PCDHA1: variants seen among roughly 807,000 people sequenced by gnomAD.
PCDHA1 encodes the protein protocadherin alpha 1, also known as protocadherin alpha-1.
A neutral mutation model predicts 61.3 loss-of-function variants in PCDHA1; 42 were observed. That is an observed-to-expected ratio of 0.69 (90% confidence interval 0.54 to 0.89). PCDHA1 has a LOEUF of 0.89. Among genes scored for constraint, PCDHA1 ranks in the 40% least tolerant of loss-of-function variants. PCDHA1 has a pLI of 0.00. For missense variants in PCDHA1, 1,256 were observed against 1,235.3 expected, an observed-to-expected ratio of 1.02 and a Z score of -0.25; for synonymous variants, 610 against 553.8, an observed-to-expected ratio of 1.10 and a Z score of -1.43.
intron 1 of PCDHA1, chr5:140,882,379 G>A (rs782537158): frequency 1.9e-6 from 3 of 1,614,230 alleles, no homozygotes; most frequent in South Asian, 1.1e-5. Context: ...CCGTCCCCGA[G>A]GAAGCAAAAC....
chr5:140,841,457 G>T (rs2150315897), intron 1 of PCDHA1: 1 of 1,612,920 alleles, frequency 6.2e-7, no homozygotes, highest in South Asian at 1.1e-5. Flanking sequence ...CACCTTCGTG[G>T]GCCGGATCGC....
intron 1 of PCDHA1, among the ~76,000 whole-genome samples, chr5:140,899,260 T>A (rs2153463432): frequency 6.6e-6 from 1 of 152,272 alleles, no homozygotes; most frequent in South Asian, 2.1e-4. Context: ...GGCATCCCTG[T>A]CTTGTGGCAG....
rs2150278849 is a variant in PCDHA1 at position 140,837,698 on chromosome 5, C to T, written c.2394+49014C>T. ...CTTTTTTCTTTCTTCTTTCAAGACA[C>T]GCTCTCACTCCATCACCCAGGCTGC... On this transcript the variant is annotated intron_variant, in intron 1 of 3. Coordinates refer to ENST00000504120, the MANE Select transcript of PCDHA1 (RefSeq NM_018900.4). Among the ~76,000 whole-genome samples, 9 of 151,044 alleles carry T rather than the reference C, an allele frequency of 6.0e-5. No homozygotes were observed. In the East Asian group the frequency reaches 7.8e-4, roughly 13 times the overall value.
chr5:140,919,982 G>A (rs2079388824), intron 1 of PCDHA1, among the ~76,000 whole-genome samples: 2 of 151,998 alleles, frequency 1.3e-5, no homozygotes, highest in Admixed American at 6.5e-5. Context: ...GATAGAAGAT[G>A]GAAAACAGAC....
chr5:140,902,211 T>C (rs1256912603), intron 1 of PCDHA1, among the ~76,000 whole-genome samples: 4 of 150,332 alleles, frequency 2.7e-5, no homozygotes, highest in African/African-American at 9.8e-5. Context: ...TTCTTTTTTT[T>C]TTTTTTTTTT....
At chr5:140,915,638 C>CTCTT (rs1554197009) in intron 1 of PCDHA1, among the ~76,000 whole-genome samples, 3 of 151,724 alleles carry the variant, frequency 2.0e-5, no homozygotes, top group Admixed American at 1.3e-4. Context: ...CTCTCTCTCT[C>CTCTT]TCTCTCTCTC....
At chr5:140,870,243 C>T (rs782592982) in intron 1 of PCDHA1, 1 of 1,614,178 alleles carries the variant, frequency 6.2e-7, no homozygotes, top group South Asian at 1.1e-5. Flanking sequence ...ACTCAGGTGT[C>T]AACGGACAGG....
chr5:140,848,207 C>A (rs1279518262), intron 1 of PCDHA1: 2 of 340,884 alleles, frequency 5.9e-6, no homozygotes, highest in Non-Finnish European at 1.1e-5. Context: ...ACAATCATTA[C>A]TTAAGAAAAA....
intron 1 of PCDHA1, among the ~76,000 whole-genome samples, chr5:140,906,853 T>C (rs576448914): frequency 1.3e-5 from 2 of 152,170 alleles, no homozygotes; most frequent in Non-Finnish European, 2.9e-5. Flanking sequence ...AGAGTCTGGG[T>C]CAGTCACCCC....
rs1036932666 is a variant in PCDHA1, at chr5:140,795,338, A to T, written c.2394+6654A>T. 5.0e-6 allele frequency: 8 copies of T among 1,614,078 alleles called. No individual in the cohort carries two copies. Among genetic ancestry groups the T allele is most frequent in the Admixed American group, 1.7e-5 (1 of 59,996 alleles). ...TTCCATGTGGAAGTGGAGGTGAAGG[A>T]CATTAACGACAACCCGCCAATATTT... On this transcript the variant is annotated intron_variant, in intron 1 of 3. Transcript: ENST00000504120.
chr5:140,966,926 C>T (rs782811757), intron 1 of PCDHA1: 22 of 1,603,344 alleles, frequency 1.4e-5, no homozygotes, highest in Middle Eastern at 1.6e-4. Context: ...GGAGCAGGCA[C>T]CCGGCGCGCT....
intron 2 of PCDHA1, among the ~76,000 whole-genome samples, chr5:140,981,838 C>T (rs916108739): frequency 3.9e-5 from 6 of 152,086 alleles, no homozygotes; most frequent in Admixed American, 6.6e-5. Context: ...AAAGGTCTCC[C>T]AGTTTGTATC....
intron 1 of PCDHA1, chr5:140,801,645 T>C: frequency 6.2e-7 from 1 of 1,614,188 alleles, no homozygotes; most frequent in African/African-American, 1.3e-5. Flanking sequence ...ACAGCCTGGC[T>C]CTCGGTTTTC....
intron 1 of PCDHA1, among the ~76,000 whole-genome samples, chr5:140,899,340 C>T (rs1199833845): frequency 6.6e-6 from 1 of 152,062 alleles, no homozygotes; most frequent in Non-Finnish European, 1.5e-5. Flanking sequence ...TCATAGATAG[C>T]TCTTATTATT....
At chr5:140,849,862 C>T (rs2150454518) in intron 1 of PCDHA1, 1 of 1,598,598 alleles carries the variant, frequency 6.3e-7, no homozygotes, top group African/African-American at 1.3e-5. Context: ...CCAGCGTTCG[C>T]GCAGTCCGAG....
chr5:140,797,172 G>A (rs1762193283), intron 1 of PCDHA1: 4 of 1,614,118 alleles, frequency 2.5e-6, no homozygotes, highest in Non-Finnish European at 3.4e-6. Flanking sequence ...CGCCAGGAAA[G>A]CCCACGCTGG....
intron 1 of PCDHA1, chr5:140,843,463 G>A: frequency 1.9e-6 from 3 of 1,596,032 alleles, no homozygotes; most frequent in Non-Finnish European, 2.6e-6. Flanking sequence ...TGGTGCTCAC[G>A]CTGCTGCTGT....
intron 1 of PCDHA1, chr5:140,851,368 A>T: frequency 1.0e-6 from 1 of 976,356 alleles, no homozygotes; most frequent in Non-Finnish European, 1.2e-6. Flanking sequence ...TGAACATCTG[A>T]TTGTTCAGCA....
intron 1 of PCDHA1, chr5:140,966,454 C>G (rs897696652): frequency 1.6e-5 from 7 of 426,406 alleles, no homozygotes; most frequent in Non-Finnish European, 1.6e-5. Flanking sequence ...TCCCCCTCCC[C>G]CTCTGTCTTC....
Sources: allele counts gnomAD v4.1 joint callset (sites outside exome capture counted in the v4.1 genomes callset), GRCh38; gene constraint gnomAD v4.1.1; transcripts MANE v1.5; gene names NCBI Gene and HGNC (gene_info 2026-07-23, HGNC 2026-07-21).